Variants in RALGAPA1 observed in about 807,000 individuals in gnomAD.
RALGAPA1 encodes the protein Ral GTPase activating protein catalytic subunit alpha 1, also known as ral GTPase-activating protein subunit alpha-1.
A neutral mutation model predicts 269.6 loss-of-function variants in RALGAPA1; 52 were observed. The ratio of observed to expected loss-of-function variants is 0.19; its 90% CI spans 0.15 to 0.24. RALGAPA1 has a LOEUF of 0.24. Among genes scored for constraint, RALGAPA1 ranks in the 10% least tolerant of loss-of-function variants. RALGAPA1 has a pLI of 1.00. For missense variants in RALGAPA1, 1,917 were observed against 3,013.9 expected (o/e 0.64, Z 8.52); for synonymous variants, 817 against 1,008.3 (o/e 0.81, Z 3.60).
At chr14:35,680,963 T>TGAA (rs1307794819) in intron 21 of RALGAPA1, among the ~76,000 whole-genome samples, 172 of 152,316 alleles carry the variant, frequency 1.1e-3, no homozygotes, top group African/African-American at 3.9e-3. Flanking sequence ...AGAGGCTTTT[T>TGAA]CCTCTTGAAC....
chr14:35,775,646 A>C lies in RALGAPA1; in HGVS notation c.206T>G (p.Leu69Arg). The C allele has an allele frequency of 6.4e-7, 1 of 1,570,280 alleles. No homozygotes were observed. The highest frequency in any genetic ancestry group is 1.2e-5 in the South Asian group (1 of 82,106). Residue 69 changes from leucine to arginine, a missense_variant, in exon 2 of 42, where the codon CTT becomes CGT. By Grantham distance (102) the Leu-to-Arg change is moderately radical. Around this residue, in one of 11 missense-constraint regions of RALGAPA1, gnomAD observed 462 missense variants for 725.6 expected, o/e 0.64. Transcript: ENST00000680220. Reference sequence around the variant, plus strand: ...TGTTAGCATCTTACCTTTCTGTTTAAGACTAGCTTCAATAGTCACAAAATT... The same window carrying C: ...TGTTAGCATCTTACCTTTCTGTTTACGACTAGCTTCAATAGTCACAAAATT... ...FENFVTIEAS[L>R]KQKGHKSQRE...
intron 34 of RALGAPA1, among the ~76,000 whole-genome samples, chr14:35,625,648 T>C (rs1419529246): frequency 2.0e-5 from 3 of 152,218 alleles, no homozygotes; most frequent in South Asian, 4.1e-4. Flanking sequence ...ATCATATCAA[T>C]TGGCCACTTG....
chr14:35,763,332 T>C (rs1028524463), intron 4 of RALGAPA1, among the ~76,000 whole-genome samples: 5 of 152,146 alleles, frequency 3.3e-5, no homozygotes, highest in African/African-American at 1.2e-4. Context: ...TTACCTGCAT[T>C]ATCTCCAATG....
chr14:35,571,104 T>C (rs1393184473), intron 38 of RALGAPA1, among the ~76,000 whole-genome samples: 2 of 152,224 alleles, frequency 1.3e-5, no homozygotes, highest in Admixed American at 6.5e-5. Context: ...TATATACTTA[T>C]AGGCAAGAAG....
intron 37 of RALGAPA1, among the ~76,000 whole-genome samples, chr14:35,590,277 C>G (rs558211821): frequency 6.6e-5 from 10 of 152,262 alleles, no homozygotes; most frequent in African/African-American, 2.4e-4. Flanking sequence ...CTAATTAGTA[C>G]CCATATATTA....
Position 35,688,545 on chromosome 14 carries a change from G to A in RALGAPA1, c.3866C>T (p.Pro1289Leu). The change falls in exon 18 of 42, where the codon CCA becomes CTA. Residue 1289 changes from proline to leucine, a missense_variant. Coordinates refer to ENST00000680220, the MANE Select transcript of RALGAPA1 (RefSeq NM_001346249.2). ...ALSKPKANVS[P>L]QRQNRMPPEA... Reference sequence around the variant, plus strand: ...TGGTGGCATTCTGTTCTGCCTCTGTGGGGAAACATTTGCCTTCGGCTTCGA... The same window carrying A: ...TGGTGGCATTCTGTTCTGCCTCTGTAGGGAAACATTTGCCTTCGGCTTCGA... 1 of 1,536,072 alleles carries A rather than the reference G, an allele frequency of 6.5e-7. No homozygotes were observed. The highest frequency in any genetic ancestry group is 8.7e-7 in the Non-Finnish European group (1 of 1,146,862).
At chr14:35,595,538 CAG>C in intron 37 of RALGAPA1, 94 bp downstream of exon 37, 1 of 1,115,842 alleles carries the variant, frequency 9.0e-7, no homozygotes, top group Admixed American at 1.8e-5. Context: ...CAACCAGAAA[CAG>C]TGCTTGATCA....
intron 16 of RALGAPA1, among the ~76,000 whole-genome samples, chr14:35,702,442 A>C (rs182207192): frequency 2.0e-5 from 3 of 152,352 alleles, no homozygotes; most frequent in Admixed American, 2.0e-4. Context: ...TGTATGGCTT[A>C]CCATGCTGTG....
intron 1 of RALGAPA1, among the ~76,000 whole-genome samples, chr14:35,802,597 C>G (rs1046623400): frequency 1.3e-5 from 2 of 151,350 alleles, no homozygotes; most frequent in Non-Finnish European, 2.9e-5. Context: ...GTCAATTTTC[C>G]CAAATTGATC....
At chr14:35,749,894 A>T (rs761532537) in intron 9 of RALGAPA1, among the ~76,000 whole-genome samples, 6 of 152,178 alleles carry the variant, frequency 3.9e-5, no homozygotes, top group Non-Finnish European at 7.4e-5. Flanking sequence ...AGGAAAATAA[A>T]AGTAGTAAAA....
At chr14:35,800,313 A>G (rs1342502360) in intron 1 of RALGAPA1, among the ~76,000 whole-genome samples, 1 of 152,236 alleles carries the variant, frequency 6.6e-6, no homozygotes, top group East Asian at 1.9e-4. Context: ...CATACAAGAA[A>G]TTTATCAAGT....
chr14:35,791,320 G>A (rs757142520), intron 1 of RALGAPA1, among the ~76,000 whole-genome samples: 1 of 152,066 alleles, frequency 6.6e-6, no homozygotes, highest in Non-Finnish European at 1.5e-5. Context: ...TTAACTTAAC[G>A]TGCAAAGTAT....
At chr14:35,712,421 T>C (rs2140853735) in intron 16 of RALGAPA1, among the ~76,000 whole-genome samples, 1 of 152,330 alleles carries the variant, frequency 6.6e-6, no homozygotes, top group African/African-American at 2.4e-5. Flanking sequence ...TCTTTTAACA[T>C]TTCTTGCAAA....
chr14:35,561,091 G>A (rs1374025117), intron 39 of RALGAPA1, among the ~76,000 whole-genome samples: 1 of 151,816 alleles, frequency 6.6e-6, no homozygotes, highest in Non-Finnish European at 1.5e-5. Flanking sequence ...GCTGGGCGTG[G>A]TGGCAGGCAC....
chr14:35,623,450 G>A (rs992952589), intron 35 of RALGAPA1, among the ~76,000 whole-genome samples: 13 of 151,652 alleles, frequency 8.6e-5, no homozygotes, highest in Non-Finnish European at 1.8e-4. Flanking sequence ...TTTGAAAACA[G>A]ATGAAAATTT....
chr14:35,684,792 AT>A (rs1041574299), intron 20 of RALGAPA1, 136 bp downstream of exon 20: 4,404 of 678,856 alleles, frequency 6.5e-3, no homozygotes, highest in South Asian at 8.5e-3. Flanking sequence ...CAAATATCTA[AT>A]TTTTTTTTTT....
At chr14:35,729,329 T>C (rs2070254620) in intron 12 of RALGAPA1, among the ~76,000 whole-genome samples, 1 of 152,034 alleles carries the variant, frequency 6.6e-6, no homozygotes, top group South Asian at 2.1e-4. Context: ...CACTTATGAC[T>C]GAAAACAATT....
chr14:35,619,081 G>A (rs1396868683), intron 35 of RALGAPA1, among the ~76,000 whole-genome samples: 1 of 152,024 alleles, frequency 6.6e-6, no homozygotes, highest in East Asian at 1.9e-4. Context: ...ATGTGTGTGG[G>A]TGCAGTGAGG....
rs71124708 is a variant in RALGAPA1, at chr14:35,600,232, C to CTTTTTTTTTTTTTTTTTTTTTTTTTTTTT, written c.7054-4444_7054-4443insAAAAAAAAAAAAAAAAAAAAAAAAAAAAA. Among the ~76,000 whole-genome samples the CTTTTTTTTTTTTTTTTTTTTTTTTTTTTT allele has an allele frequency of 5.6e-4, 49 of 86,936 alleles. 1 individual carries two copies. The highest frequency in any genetic ancestry group is 1.6e-3 in the African/African-American group (36 of 22,908). The allele number at this position is 86,936 out of a possible 152,430, so 57.0% of individuals were successfully genotyped here. On this transcript the variant is annotated intron_variant, in intron 36 of 41. Coordinates refer to ENST00000680220, the MANE Select transcript of RALGAPA1 (RefSeq NM_001346249.2). ...TCCTTTTTTTTCTTTTTCTTTTTTT[C>CTTTTTTTTTTTTTTTTTTTTTTTTTTTTT]TTTTTTTTTTTTTTTTTGAGACAGG...
Sources: allele counts gnomAD v4.1 joint callset (sites outside exome capture counted in the v4.1 genomes callset), GRCh38; gene constraint gnomAD v4.1.1; regional missense constraint gnomAD v4.1.1; transcripts MANE v1.5; gene names NCBI Gene and HGNC (gene_info 2026-07-23, HGNC 2026-07-21).